KIAA1328: variants seen among roughly 807,000 people sequenced by gnomAD.
KIAA1328 encodes KIAA1328.
Under a neutral mutation model 68.1 loss-of-function variants are expected in KIAA1328, and 52 were observed. The observed-to-expected ratio is 0.76, with a 90% CI of 0.61 to 0.96. The LOEUF (loss-of-function observed/expected upper bound fraction) is 0.96. Ranked by LOEUF, KIAA1328 falls within the 40% of genes least tolerant of loss-of-function variation. KIAA1328 has a pLI of 0.00. For synonymous variants in KIAA1328, 232 were observed against 239.4 expected, an observed-to-expected ratio of 0.97 and a Z score of 0.28; for missense variants, 641 against 677.6, an observed-to-expected ratio of 0.95 and a Z score of 0.60.
At chr18:37,138,860 T>C (rs770501060) in intron 7 of KIAA1328, among the ~76,000 whole-genome samples, 12 of 151,666 alleles carry the variant, frequency 7.9e-5, no homozygotes, top group Non-Finnish European at 4.4e-5. Context: ...ATTGGATATA[T>C]GGAAATAAAA....
chr18:36,907,459 T>C (rs2049266491), intron 5 of KIAA1328, among the ~76,000 whole-genome samples: 2 of 152,110 alleles, frequency 1.3e-5, no homozygotes, highest in South Asian at 4.1e-4. Flanking sequence ...ATTAAGGAAG[T>C]TCTTTTCTAT....
At chr18:37,153,939 A>G (rs936228758) in intron 7 of KIAA1328, among the ~76,000 whole-genome samples, 3 of 151,094 alleles carry the variant, frequency 2.0e-5, no homozygotes, top group Non-Finnish European at 4.4e-5. Flanking sequence ...ATTCGCTTAA[A>G]TGTCTACCTT....
intron 3 of KIAA1328, among the ~76,000 whole-genome samples, chr18:36,836,287 A>C (rs890352426): frequency 6.6e-6 from 1 of 152,200 alleles, no homozygotes; most frequent in Non-Finnish European, 1.5e-5. Flanking sequence ...TATCAAAAAA[A>C]GTTAAAAAAT....
chr18:37,169,729 A>G (rs2059464281), intron 8 of KIAA1328, among the ~76,000 whole-genome samples: 1 of 152,258 alleles, frequency 6.6e-6, no homozygotes, highest in South Asian at 2.1e-4. Flanking sequence ...TCTGTGCTTT[A>G]CAGCAATCAT....
At chr18:36,887,154 G>T in intron 5 of KIAA1328, among the ~76,000 whole-genome samples, 1 of 138,740 alleles carries the variant, frequency 7.2e-6, no homozygotes, top group African/African-American at 2.7e-5. Context: ...CATTGCCCTT[G>T]GTTGTTGACC....
At chr18:36,915,279 T>A (rs2049643411) in intron 5 of KIAA1328, among the ~76,000 whole-genome samples, 1 of 152,112 alleles carries the variant, frequency 6.6e-6, no homozygotes, top group Non-Finnish European at 1.5e-5. Context: ...TGACCTGGCT[T>A]ATGGAATATT....
At chr18:37,043,386 A>C (rs1023984856) in intron 6 of KIAA1328, among the ~76,000 whole-genome samples, 1 of 152,074 alleles carries the variant, frequency 6.6e-6, no homozygotes, top group East Asian at 1.9e-4. Flanking sequence ...TAGGCTTCTG[A>C]TTCTTTCTCT....
chr18:37,005,404 T>C (rs1466442480), intron 6 of KIAA1328, among the ~76,000 whole-genome samples: 2 of 148,504 alleles, frequency 1.3e-5, no homozygotes, highest in East Asian at 4.0e-4. Flanking sequence ...TGTCATACCA[T>C]CTTACCTTAG....
At chr18:37,003,501 G>T (rs9951798) in intron 6 of KIAA1328, among the ~76,000 whole-genome samples, 111,327 of 151,976 alleles carry the variant, frequency 0.73, 43,914 homozygotes, top group South Asian at 0.89. Context: ...AAAAAAACTT[G>T]TATTAGAAAG....
intron 3 of KIAA1328, among the ~76,000 whole-genome samples, chr18:36,841,439 A>C (rs553274768): frequency 6.7e-4 from 102 of 151,532 alleles, no homozygotes; most frequent in Admixed American, 1.5e-3. Context: ...ATCTACTGGG[A>C]AGAGGATTCT....
chr18:37,067,210 G>T lies in KIAA1328; in HGVS notation c.897G>T (p.Lys299Asn). ...ACATGAAGGAATGTCCACATCTTAAGCCTACTCCTAGTCAATGCTGTGGTC... is the reference window on the plus strand; with the variant it reads ...ACATGAAGGAATGTCCACATCTTAATCCTACTCCTAGTCAATGCTGTGGTC... Reference protein sequence around the residue: ...ELHMKECPHLKPTPSQCCGHR... With the variant: ...ELHMKECPHLNPTPSQCCGHR... The change falls in exon 7 of 10, where the codon AAG becomes AAT. Residue 299 changes from lysine (K) to asparagine (N), a missense_variant. Coordinates refer to ENST00000280020, the MANE Select transcript of KIAA1328 (RefSeq NM_020776.3). The T allele has an allele frequency of 6.2e-7, 1 of 1,613,992 alleles. No individual in the cohort carries two copies. Among genetic ancestry groups the T allele is most frequent in the Non-Finnish European group, 8.5e-7 (1 of 1,179,878 alleles).
chr18:37,095,225 A>G (rs2057371664), intron 7 of KIAA1328, among the ~76,000 whole-genome samples: 2 of 152,210 alleles, frequency 1.3e-5, no homozygotes, highest in Admixed American at 6.5e-5. Flanking sequence ...ACTATAAACC[A>G]TATGGACATA....
intron 5 of KIAA1328, among the ~76,000 whole-genome samples, chr18:36,936,849 A>G (rs982463370): frequency 6.6e-6 from 1 of 152,092 alleles, no homozygotes; most frequent in Non-Finnish European, 1.5e-5. Flanking sequence ...TTTGATTTGC[A>G]TTTCTCTTTT....
intron 5 of KIAA1328, among the ~76,000 whole-genome samples, chr18:36,930,976 G>C (rs923764193): frequency 7.2e-5 from 11 of 151,830 alleles, no homozygotes; most frequent in Admixed American, 2.0e-4. Flanking sequence ...TGAGCTTAGG[G>C]CTCTACTTTT....
intron 8 of KIAA1328, among the ~76,000 whole-genome samples, chr18:37,163,993 A>G (rs1446626232): frequency 1.3e-5 from 2 of 152,246 alleles, no homozygotes; most frequent in East Asian, 1.9e-4. Flanking sequence ...AGGAATTCAA[A>G]TATAACAGAC....
At chr18:37,078,078 ATAC>A (rs2151783818) in intron 7 of KIAA1328, among the ~76,000 whole-genome samples, 1 of 152,374 alleles carries the variant, frequency 6.6e-6, no homozygotes, top group East Asian at 1.9e-4. Context: ...ACTTCAAAGT[ATAC>A]TACAAGGCTG....
chr18:36,990,829 A>G (rs527768449), intron 6 of KIAA1328, among the ~76,000 whole-genome samples: 1 of 152,282 alleles, frequency 6.6e-6, no homozygotes, highest in Non-Finnish European at 1.5e-5. Context: ...GTATAAAAAA[A>G]TGTTTTAAAT....
intron 7 of KIAA1328, among the ~76,000 whole-genome samples, chr18:37,117,045 A>G (rs2058130116): frequency 6.6e-6 from 1 of 152,332 alleles, no homozygotes; most frequent in East Asian, 1.9e-4. Context: ...AAATAGGAAC[A>G]CTTTTACACT....
intron 8 of KIAA1328, among the ~76,000 whole-genome samples, chr18:37,161,080 C>T (rs915080009): frequency 3.3e-5 from 5 of 152,108 alleles, no homozygotes; most frequent in Non-Finnish European, 7.4e-5. Context: ...AAACAAAAGA[C>T]CAAAAAGACC....
Sources: gnomAD v4.1 joint callset for allele counts (sites outside exome capture counted in the v4.1 genomes callset) on GRCh38, gnomAD v4.1.1 for gene constraint, MANE v1.5 for transcripts, NCBI Gene and HGNC (gene_info 2026-07-23, HGNC 2026-07-21) for gene names.